Variants in ZNF420 observed in about 807,000 individuals in gnomAD.
ZNF420 encodes the protein ATM and p53-associated KZNF protein.
In ZNF420, 31 loss-of-function variants were observed where a neutral mutation model predicts 44.7. The ratio of observed to expected loss-of-function variants is 0.69; its 90% confidence interval spans 0.52 to 0.94. ZNF420 has a LOEUF of 0.94. Among genes scored for constraint, ZNF420 ranks in the 40% least tolerant of loss-of-function variants. The pLI is 0.00. For synonymous variants in ZNF420, 245 were observed against 267.4 expected (o/e 0.92, Z 0.82); for missense variants, 681 against 827.9 (o/e 0.82, Z 2.18).
chr19:37,033,358 C>T (rs1967296545), intron 1 of ZNF420, among the ~76,000 whole-genome samples: 1 of 152,128 alleles, frequency 6.6e-6, no homozygotes, highest in African/African-American at 2.4e-5. Context: ...TAAACAATAG[C>T]CCTTCATTAC....
chr19:37,072,177 C>T (rs1287970029), intron 1 of ZNF420, among the ~76,000 whole-genome samples: 1 of 152,142 alleles, frequency 6.6e-6, no homozygotes, highest in Non-Finnish European at 1.5e-5. Flanking sequence ...CTTTCTTTCC[C>T]ATTATCTGAT....
At chr19:37,090,717 C>A (rs958383345) in intron 3 of ZNF420, among the ~76,000 whole-genome samples, 1 of 151,790 alleles carries the variant, frequency 6.6e-6, no homozygotes, top group Admixed American at 6.6e-5. Context: ...GTCAGGAGTT[C>A]GAGACTAGCC....
intron 1 of ZNF420, among the ~76,000 whole-genome samples, chr19:37,015,709 CCCCTT>C (rs2074604452): frequency 6.6e-6 from 1 of 152,162 alleles, no homozygotes; most frequent in Admixed American, 6.5e-5. Flanking sequence ...AACTCATTCT[CCCCTT>C]CCTCTTCACT....
intron 1 of ZNF420, among the ~76,000 whole-genome samples, chr19:37,037,506 T>G (rs1310154913): frequency 6.6e-6 from 1 of 152,170 alleles, no homozygotes; most frequent in Non-Finnish European, 1.5e-5. Flanking sequence ...CTCCATTATT[T>G]TGGAGATTAT....
intron 1 of ZNF420, among the ~76,000 whole-genome samples, chr19:37,018,366 G>A (rs145160541): frequency 4.7e-4 from 71 of 152,198 alleles, no homozygotes; most frequent in Middle Eastern, 3.4e-3. Flanking sequence ...TAGGAATAAA[G>A]CTGGAAAAAT....
chr19:37,097,149 G>A (rs1386145131), intron 4 of ZNF420, among the ~76,000 whole-genome samples: 3 of 151,722 alleles, frequency 2.0e-5, no homozygotes, highest in Non-Finnish European at 2.9e-5. Context: ...TGCCTGCCTC[G>A]GCCTCCCAAA....
chr19:37,060,176 A>C (rs1967850649), intron 1 of ZNF420, among the ~76,000 whole-genome samples: 1 of 152,120 alleles, frequency 6.6e-6, no homozygotes, highest in Non-Finnish European at 1.5e-5. Context: ...CAAGATGACC[A>C]CACTCCAGGT....
chr19:37,129,895 C>T lies in ZNF420; in HGVS notation c.*837C>T. ...ATTTTTTAAAAACTTGAATGTATTG[C>T]TTTTGAAGTAAACAAAATAACTGAT... On this transcript the variant is annotated 3_prime_UTR_variant, in exon 5 of 5. Coordinates refer to ENST00000337995, the MANE Select transcript of ZNF420 (RefSeq NM_144689.5). The T allele has an allele frequency of 8.4e-7, 1 of 1,188,254 alleles. No individual in the cohort carries two copies. Among genetic ancestry groups the T allele is most frequent in the Non-Finnish European group, 1.1e-6 (1 of 893,130 alleles). The allele number at this position is 1,188,254 out of a possible 1,614,324, so 73.6% of individuals were successfully genotyped here. A position where few individuals can be genotyped will look rare whatever the true frequency, so the allele number is the denominator to read the frequency against.
At chr19:37,118,646 A>C (rs1703791093) in intron 4 of ZNF420, among the ~76,000 whole-genome samples, 1 of 152,016 alleles carries the variant, frequency 6.6e-6, no homozygotes, top group South Asian at 2.1e-4. Flanking sequence ...AAATGGGCTA[A>C]ATGCTCCAAT....
chr19:37,046,714 C>G (rs1967548177), intron 1 of ZNF420, among the ~76,000 whole-genome samples: 1 of 152,082 alleles, frequency 6.6e-6, no homozygotes, highest in African/African-American at 2.4e-5. Flanking sequence ...CAAATACATT[C>G]AAATACATTT....
At chr19:37,031,001 C>T (rs1320660027) in intron 1 of ZNF420, among the ~76,000 whole-genome samples, 2 of 151,738 alleles carry the variant, frequency 1.3e-5, no homozygotes, top group Non-Finnish European at 2.9e-5. Context: ...ATTATAGGTG[C>T]CCCCCCACCA....
intron 1 of ZNF420, among the ~76,000 whole-genome samples, chr19:37,020,207 A>G (rs2074637657): frequency 8.0e-6 from 1 of 124,314 alleles, no homozygotes; most frequent in African/African-American, 3.2e-5. Context: ...ACAGAGTGAG[A>G]CTCCGTCTCA....
rs1369331637 is a variant in ZNF420, at chr19:37,037,011, C to T, written c.-125+28929C>T. Among the ~76,000 whole-genome samples the T allele has an allele frequency of 6.6e-5, 10 of 152,308 alleles. No individual in the cohort carries two copies. In the East Asian group the frequency reaches 1.7e-3, roughly 27 times the overall value. On this transcript the variant is annotated intron_variant, in intron 1 of 4. Coordinates refer to the ZNF420 transcript ENST00000587029. ...CCTCAGCCCCAGGCCAAACTTTTCC[C>T]TTTCATCGTAGGTAGCCCTGTCCTC...
intron 1 of ZNF420, among the ~76,000 whole-genome samples, chr19:37,053,642 C>G (rs1255219656): frequency 6.6e-6 from 1 of 152,174 alleles, no homozygotes; most frequent in East Asian, 1.9e-4. Context: ...CCCTGTTTGC[C>G]TGGGTATCAG....
intron 1 of ZNF420, among the ~76,000 whole-genome samples, chr19:37,010,078 C>G (rs901344992): frequency 5.3e-5 from 8 of 152,164 alleles, no homozygotes; most frequent in Non-Finnish European, 1.0e-4. Flanking sequence ...TGCGCATGCC[C>G]GAGGCGCGAG....
chr19:37,054,221 G>C (rs2146429032), intron 1 of ZNF420, among the ~76,000 whole-genome samples: 1 of 152,362 alleles, frequency 6.6e-6, no homozygotes, highest in Middle Eastern at 3.4e-3. Context: ...CTCAGTATTA[G>C]GGTGGAGTGA....
intron 4 of ZNF420, among the ~76,000 whole-genome samples, chr19:37,103,653 A>G (rs1969903072): frequency 6.6e-6 from 1 of 152,180 alleles, no homozygotes; most frequent in Admixed American, 6.5e-5. Flanking sequence ...TCCTATTAAC[A>G]TGTAACCTTT....
chr19:37,129,894 G>C lies in ZNF420; in HGVS notation c.*836G>C, dbSNP rs1971572142. 1 of 1,180,864 alleles carries C rather than the reference G, an allele frequency of 8.5e-7. No homozygotes were observed. Among genetic ancestry groups the C allele is most frequent in the South Asian group, 1.9e-5 (1 of 52,116 alleles). 73.1% of individuals were successfully genotyped at this position (1,180,864 alleles called of 1,614,324 possible). A position where few individuals can be genotyped will look rare whatever the true frequency, so the allele number is the denominator to read the frequency against. Reference sequence around the variant, plus strand: ...AATTTTTTAAAAACTTGAATGTATTGCTTTTGAAGTAAACAAAATAACTGA... The same window carrying C: ...AATTTTTTAAAAACTTGAATGTATTCCTTTTGAAGTAAACAAAATAACTGA... On this transcript the variant is annotated 3_prime_UTR_variant, in exon 5 of 5. Transcript: ENST00000337995.
chr19:37,021,031 C>T (rs2074644485), intron 1 of ZNF420, among the ~76,000 whole-genome samples: 2 of 152,200 alleles, frequency 1.3e-5, no homozygotes, highest in South Asian at 4.1e-4. Context: ...GGTTATGACA[C>T]CAAATTTTAT....
Sources: allele counts gnomAD v4.1 joint callset (sites outside exome capture counted in the v4.1 genomes callset), GRCh38; gene constraint gnomAD v4.1.1; transcripts MANE v1.5; gene names NCBI Gene and HGNC (gene_info 2026-07-23, HGNC 2026-07-21).